Variants in RAD51B observed in about 807,000 individuals in gnomAD.
RAD51B encodes the protein DNA repair protein RAD51 homolog 2.
A neutral mutation model predicts 42.2 loss-of-function variants in RAD51B; 38 were observed. That is an observed-to-expected ratio of 0.90 (90% CI 0.70 to 1.18). RAD51B has a LOEUF of 1.18. RAD51B is among the 50% of genes most tolerant of loss of function. RAD51B has a pLI of 0.00. For synonymous variants in RAD51B, 154 were observed against 145.2 expected, an observed-to-expected ratio of 1.06 and a Z score of -0.43; for missense variants, 373 against 400.7, an observed-to-expected ratio of 0.93 and a Z score of 0.59.
chr14:68,037,544 CT>C (rs2076153588), intron 7 of RAD51B, among the ~76,000 whole-genome samples: 1 of 151,898 alleles, frequency 6.6e-6, no homozygotes, highest in African/African-American at 2.4e-5. Context: ...TAAAGGGCTG[CT>C]TTTCATATTG....
intron 7 of RAD51B, among the ~76,000 whole-genome samples, chr14:68,143,262 A>G (rs1325356862): frequency 6.6e-6 from 1 of 152,194 alleles, no homozygotes; most frequent in African/African-American, 2.4e-5. Flanking sequence ...TTTACAAATC[A>G]TCTAATTCTA....
intron 8 of RAD51B, among the ~76,000 whole-genome samples, chr14:68,341,874 A>T (rs74061613): frequency 0.033 from 5,070 of 152,256 alleles, 257 homozygotes; most frequent in African/African-American, 0.1. Flanking sequence ...GGGTGGAAAG[A>T]ATATATGTCC....
At chr14:68,345,276 G>T (rs1342336272) in intron 8 of RAD51B, among the ~76,000 whole-genome samples, 1 of 152,100 alleles carries the variant, frequency 6.6e-6, no homozygotes, top group East Asian at 1.9e-4. Context: ...TGAGATTTGG[G>T]GAGCTAGAGG....
intron 7 of RAD51B, among the ~76,000 whole-genome samples, chr14:68,172,670 C>T (rs1431584544): frequency 2.0e-5 from 3 of 152,150 alleles, no homozygotes; most frequent in Non-Finnish European, 4.4e-5. Context: ...AAAGAAAGAG[C>T]TTAAGAGAAT....
intron 7 of RAD51B, among the ~76,000 whole-genome samples, chr14:68,207,074 G>A (rs1177471556): frequency 2.0e-5 from 3 of 152,078 alleles, no homozygotes; most frequent in Admixed American, 6.6e-5. Context: ...ACAGGCTTGA[G>A]CCACCGCACC....
At chr14:68,511,472 T>C (rs1294656411) in intron 10 of RAD51B, among the ~76,000 whole-genome samples, 1 of 152,248 alleles carries the variant, frequency 6.6e-6, no homozygotes, top group Non-Finnish European at 1.5e-5. Context: ...AAGCCCGTAT[T>C]ATCTGATAAG....
intron 4 of RAD51B, among the ~76,000 whole-genome samples, chr14:67,855,428 G>A (rs28451605): frequency 0.04 from 6,011 of 150,382 alleles, 241 homozygotes; most frequent in African/African-American, 0.11. Context: ...TAGTAGAGAC[G>A]GGGTTTCACT....
intron 7 of RAD51B, among the ~76,000 whole-genome samples, chr14:68,160,310 T>C (rs2078611398): frequency 6.6e-6 from 1 of 152,136 alleles, no homozygotes; most frequent in African/African-American, 2.4e-5. Context: ...GCCAGGTAAT[T>C]TGCTCAGTGT....
intron 5 of RAD51B, among the ~76,000 whole-genome samples, chr14:67,870,413 C>T (rs1346302663): frequency 6.7e-6 from 1 of 149,432 alleles, no homozygotes; most frequent in South Asian, 2.1e-4. Context: ...GCACCCAATA[C>T]AGGAGCACCC....
At chr14:68,431,703 C>T (rs1594827980) in intron 9 of RAD51B, among the ~76,000 whole-genome samples, 1 of 150,786 alleles carries the variant, frequency 6.6e-6, no homozygotes, top group African/African-American at 2.4e-5. Context: ...AAAAAACCAG[C>T]TCCTGGATTC....
chr14:68,363,453 T>C (rs1461491053), intron 8 of RAD51B, among the ~76,000 whole-genome samples: 1 of 152,204 alleles, frequency 6.6e-6, no homozygotes, highest in Non-Finnish European at 1.5e-5. Context: ...TTCAGTGTTT[T>C]TGTGTATTCT....
At chr14:68,415,914 G>A (rs2331701) in intron 9 of RAD51B, among the ~76,000 whole-genome samples, 1 of 151,896 alleles carries the variant, frequency 6.6e-6, no homozygotes, top group African/African-American at 2.4e-5. Flanking sequence ...CCTCACACCC[G>A]CTTGATGAAA....
intron 8 of RAD51B, among the ~76,000 whole-genome samples, chr14:68,345,199 G>A (rs2082654275): frequency 6.6e-6 from 1 of 152,082 alleles, no homozygotes; most frequent in Admixed American, 6.6e-5. Context: ...AGTTGGAATT[G>A]GAACAAATTA....
At chr14:68,318,801 C>T (rs1228148228) in intron 8 of RAD51B, among the ~76,000 whole-genome samples, 4 of 152,136 alleles carry the variant, frequency 2.6e-5, no homozygotes, top group Admixed American at 6.5e-5. Flanking sequence ...AATGCTGTTT[C>T]ATCTGGGGGA....
chr14:68,344,177 A>G (rs1379719827), intron 8 of RAD51B, among the ~76,000 whole-genome samples: 1 of 152,226 alleles, frequency 6.6e-6, no homozygotes, highest in African/African-American at 2.4e-5. Context: ...CCAGAATGGT[A>G]GAGCCATGGG....
intron 10 of RAD51B, among the ~76,000 whole-genome samples, chr14:68,549,576 C>T (rs995662509): frequency 1.3e-5 from 2 of 150,478 alleles, no homozygotes; most frequent in Non-Finnish European, 3.0e-5. Flanking sequence ...CCACCATGCC[C>T]GGCTAATTTT....
At chr14:68,525,481 G>A (rs573410392) in intron 10 of RAD51B, among the ~76,000 whole-genome samples, 14 of 152,332 alleles carry the variant, frequency 9.2e-5, no homozygotes, top group African/African-American at 3.1e-4. Flanking sequence ...CATGAGCTGG[G>A]AAGTGAAAAT....
intron 7 of RAD51B, among the ~76,000 whole-genome samples, chr14:68,188,421 T>G (rs1456346687): frequency 2.0e-5 from 3 of 151,466 alleles, no homozygotes; most frequent in African/African-American, 4.9e-5. Flanking sequence ...CCATCTTTCT[T>G]CTTTCTCCTC....
intron 10 of RAD51B, among the ~76,000 whole-genome samples, chr14:68,582,103 G>T (rs1158418993): frequency 6.6e-6 from 1 of 152,186 alleles, no homozygotes; most frequent in Non-Finnish European, 1.5e-5. Context: ...CATGGGCAAA[G>T]ACTTCATGAC....
Sources: gnomAD v4.1 joint callset for allele counts (sites outside exome capture counted in the v4.1 genomes callset) on GRCh38, gnomAD v4.1.1 for gene constraint, MANE v1.5 for transcripts, NCBI Gene and HGNC (gene_info 2026-07-23, HGNC 2026-07-21) for gene names.